Variants in RELN observed in about 807,000 individuals in gnomAD.
RELN encodes reelin.
Under a neutral mutation model 427.6 loss-of-function variants are expected in RELN, and 108 were observed. The observed-to-expected ratio is 0.25, with a 90% CI of 0.22 to 0.30. The LOEUF is 0.30. Among genes scored for constraint, RELN ranks in the 10% least tolerant of loss-of-function variants. The pLI, the probability that RELN is intolerant of heterozygous loss-of-function variation, is 1.00. For synonymous variants in RELN, 1,524 were observed against 1,513.4 expected (o/e 1.01, Z -0.16); for missense variants, 3,715 against 4,302.8 (o/e 0.86, Z 3.82).
In RELN at chr7:103,557,956, C is replaced by T. The variant is rs1460684304; in HGVS notation, c.5614+9G>A. On this transcript the variant is annotated intron_variant, in intron 37 of 64. Transcript: ENST00000428762. ...TTCTCTTGAAGGAAAATAATAAATT[C>T]ATACTTACTTTTTGCTATAAATCTA... The T allele has an allele frequency of 3.4e-6, 4 of 1,173,582 alleles. No individual in the cohort carries two copies. Among genetic ancestry groups the T allele is most frequent in the Non-Finnish European group, 5.1e-6 (4 of 778,936 alleles). 72.7% of individuals were successfully genotyped at this position (1,173,582 alleles called of 1,614,324 possible).
chr7:103,535,382 C>A lies in RELN; in HGVS notation c.7283G>T (p.Arg2428Leu). 6.2e-7 allele frequency: 1 copy of A among 1,614,030 alleles called. No individual in the cohort carries two copies. The highest frequency in any genetic ancestry group is 1.1e-5 in the South Asian group (1 of 91,078). The change falls in exon 46 of 65, where the codon CGG becomes CTG. Residue 2428 changes from arginine (R) to leucine (L), a missense_variant. Physicochemically the swap from Arg to Leu is moderately radical, Grantham distance 102 (BLOSUM62 -2). Coordinates refer to ENST00000428762, the MANE Select transcript of RELN (RefSeq NM_005045.4). The stretch of plus-strand genomic sequence containing the variant: ...GTTGAAAGTGTCTGACACCAGGATC[C>A]GTTGCAGATGATAGCGACTGCATTC... ...NVECSRYHLQ[R>L]ILVSDTFNKW...
intron 3 of RELN, among the ~76,000 whole-genome samples, chr7:103,781,580 C>T (rs1346693543): frequency 6.6e-6 from 1 of 152,116 alleles, no homozygotes; most frequent in East Asian, 1.9e-4. Context: ...ACTATAGTCA[C>T]CATGTTGTGC....
chr7:103,519,334 G>A lies in RELN; in HGVS notation c.7851C>T (p.Tyr2617=), dbSNP rs1217103493. 1.2e-6 allele frequency: 2 copies of A among 1,612,862 alleles called. No homozygotes were observed. The highest frequency in any genetic ancestry group is 1.7e-6 in the Non-Finnish European group (2 of 1,179,012). ...AATCGAATACAAACCCGGGCTTACT[G>A]TACTGGTCATAGAAAATCTCCATGA... The part of the protein sequence containing the change: ...NLLMEIFYDQ[Y]SKPGFVNILL... The change falls in exon 49 of 65, where the codon TAC becomes TAT. Residue 2617 remains tyrosine, a synonymous_variant. Coordinates refer to ENST00000428762, the MANE Select transcript of RELN (RefSeq NM_005045.4).
intron 45 of RELN, among the ~76,000 whole-genome samples, chr7:103,535,980 CATATTAT>C (rs1418928961): frequency 2.0e-5 from 3 of 151,740 alleles, no homozygotes; most frequent in Admixed American, 2.0e-4. Flanking sequence ...AAATAAGGAA[CATATTAT>C]ATATTTTAAT....
chr7:103,795,848 ATT>A (rs1792286032), intron 3 of RELN, among the ~76,000 whole-genome samples: 1 of 152,234 alleles, frequency 6.6e-6, no homozygotes, highest in Non-Finnish European at 1.5e-5. Flanking sequence ...AAGGAATACC[ATT>A]TTGACACAGC....
chr7:103,893,339 T>G (rs548239297), intron 2 of RELN, among the ~76,000 whole-genome samples: 21 of 152,258 alleles, frequency 1.4e-4, no homozygotes, highest in Non-Finnish European at 2.6e-4. Flanking sequence ...ATCTCCTTTA[T>G]AGGGTAATTT....
chr7:103,482,339 G>A (rs1401006201), intron 63 of RELN: 8 of 165,294 alleles, frequency 4.8e-5, no homozygotes, highest in Non-Finnish European at 1.3e-5. Context: ...GGTGAGAGTG[G>A]TGACAGCTTT....
intron 2 of RELN, among the ~76,000 whole-genome samples, chr7:103,836,229 G>A (rs1023167899): frequency 6.6e-6 from 1 of 152,122 alleles, no homozygotes; most frequent in Non-Finnish European, 1.5e-5. Flanking sequence ...CAAAATGCCA[G>A]GTTTACAGGC....
chr7:103,682,212 C>A lies in RELN; in HGVS notation c.1193G>T (p.Gly398Val), dbSNP rs766992224. The A allele has an allele frequency of 3.7e-6, 6 of 1,613,974 alleles. No individual in the cohort carries two copies. In the South Asian group the frequency reaches 4.4e-5, roughly 12 times the overall value. Residue 398 changes from glycine (G) to valine (V), a missense_variant, in exon 11 of 65, where the codon GGC (glycine) becomes GTC (valine). Physicochemically the swap from Gly to Val is moderately radical, Grantham distance 109 (BLOSUM62 -3). This residue lies in a region of RELN where 2,208 missense variants were observed against 2,361.7 expected (regional missense o/e 0.93). Transcript: ENST00000428762. Reference protein sequence around the residue: ...GNSIYFHGNEGSEFNFATTRD... With the variant: ...GNSIYFHGNEVSEFNFATTRD... Reference sequence around the variant, plus strand: ...GGTGGTGGCAAAATTGAACTCGCTGCCTTCATTTCCATGGAAATAAATGGA... The same window carrying A: ...GGTGGTGGCAAAATTGAACTCGCTGACTTCATTTCCATGGAAATAAATGGA...
At chr7:103,556,173 CACT>C (rs1830515653) in intron 38 of RELN, among the ~76,000 whole-genome samples, 3 of 152,262 alleles carry the variant, frequency 2.0e-5, no homozygotes, top group South Asian at 4.1e-4. Flanking sequence ...TTATCTACGG[CACT>C]ATCTGCTTGG....
At chr7:103,741,934 G>A (rs944948345) in intron 6 of RELN, among the ~76,000 whole-genome samples, 3 of 152,216 alleles carry the variant, frequency 2.0e-5, no homozygotes, top group South Asian at 2.1e-4. Flanking sequence ...CTCCCCGCAC[G>A]CAGCTTGAGA....
At chr7:103,552,373 CAATA>C in intron 40 of RELN, among the ~76,000 whole-genome samples, 1 of 151,810 alleles carries the variant, frequency 6.6e-6, no homozygotes. Flanking sequence ...TAGTTATATA[CAATA>C]AATATACACT....
At chr7:103,691,776 G>A (rs965145921) in intron 10 of RELN, among the ~76,000 whole-genome samples, 1 of 151,990 alleles carries the variant, frequency 6.6e-6, no homozygotes, top group African/African-American at 2.4e-5. Context: ...TCATGACACT[G>A]CACACTAGTC....
chr7:103,902,401 TA>T (rs1267488174), intron 2 of RELN, among the ~76,000 whole-genome samples: 1 of 151,816 alleles, frequency 6.6e-6, no homozygotes, highest in Non-Finnish European at 1.5e-5. Context: ...TAACTATATT[TA>T]TTTTACTTTT....
chr7:103,741,833 G>A (rs1417092257), intron 6 of RELN, among the ~76,000 whole-genome samples: 1 of 152,180 alleles, frequency 6.6e-6, no homozygotes, highest in Non-Finnish European at 1.5e-5. Flanking sequence ...GGCCGAATAG[G>A]AACAGCTCCG....
intron 20 of RELN, chr7:103,628,074 A>G (rs141491704): frequency 1.3e-5 from 2 of 152,364 alleles, no homozygotes; most frequent in African/African-American, 4.8e-5. Context: ...ACTCTTCTAT[A>G]CAAACTTGAA....
rs186838546 is a variant in RELN, at chr7:103,528,909, G to A, written c.7350-5378C>T. The stretch of plus-strand genomic sequence containing the variant: ...TCCCAGCACTTTGGGAGGCCGAGGC[G>A]GGTGGATCACGAGGTCCAGAGATCA... On this transcript the variant is annotated intron_variant, in intron 46 of 64. Coordinates refer to ENST00000428762, the MANE Select transcript of RELN (RefSeq NM_005045.4). 1.6e-4 allele frequency among the ~76,000 whole-genome samples: 24 copies of A among 151,586 alleles called. No individual in the cohort carries two copies. The South Asian group carries it at 2.7e-3, about 17-fold the overall frequency.
At position 103,596,467 on chromosome 7, in the gene RELN, G is replaced by T. The variant is rs1282817070; in HGVS notation, c.3528C>A (p.Phe1176Leu). Residue 1176 changes from phenylalanine (F) to leucine (L), a missense_variant, in exon 25 of 65, where the codon TTC becomes TTA. Physicochemically the swap from Phe to Leu is conservative, Grantham distance 22 (BLOSUM62 0). Transcript: ENST00000428762. ...AGGTGGGTAGTTACCTGGGTTTGCT[G>T]AAGTCTGAAAAGTACATCTCTGCTA... ...HLLAEMYFSD[F>L]SKPRFVYLEL... The T allele has an allele frequency of 6.2e-7, 1 of 1,613,710 alleles. No homozygotes were observed. Among genetic ancestry groups the T allele is most frequent in the Non-Finnish European group, 8.5e-7 (1 of 1,179,810 alleles).
intron 8 of RELN, among the ~76,000 whole-genome samples, chr7:103,721,880 C>T (rs113493976): frequency 2.0e-5 from 3 of 152,064 alleles, no homozygotes; most frequent in Non-Finnish European, 4.4e-5. Flanking sequence ...GCCTGTCACG[C>T]TACAGTTAAA....
Sources: gnomAD v4.1 joint callset for allele counts (sites outside exome capture counted in the v4.1 genomes callset) on GRCh38, gnomAD v4.1.1 for gene constraint, gnomAD v4.1.1 regional missense constraint, MANE v1.5 for transcripts, NCBI Gene and HGNC (gene_info 2026-07-23, HGNC 2026-07-21) for gene names.